The following ROBO1 variants were observed in gnomAD, a reference collection of about 807,000 sequenced individuals.
The protein encoded by ROBO1 is roundabout homolog 1.
In ROBO1, 149 loss-of-function variants were observed where a neutral mutation model predicts 195.9. The ratio of observed to expected loss-of-function variants is 0.76; its 90% CI spans 0.67 to 0.87. ROBO1 has a LOEUF of 0.87. ROBO1 is among the 40% of genes least tolerant of loss of function. ROBO1 has a pLI of 0.00. For synonymous variants in ROBO1, 816 were observed against 733.2 expected (o/e 1.11, Z -1.82); for missense variants, 1,933 against 2,068.3 (o/e 0.93, Z 1.27).
At chr3:79,746,675 T>C (rs1299144086) in intron 1 of ROBO1, among the ~76,000 whole-genome samples, 3 of 151,222 alleles carry the variant, frequency 2.0e-5, no homozygotes, top group South Asian at 4.1e-4. Flanking sequence ...ACTTTTGATA[T>C]TCTGAGATTT....
At chr3:78,896,111 C>T (rs180905279) in intron 4 of ROBO1, among the ~76,000 whole-genome samples, 1 of 152,280 alleles carries the variant, frequency 6.6e-6, no homozygotes, top group East Asian at 1.9e-4. Flanking sequence ...ATTCATAATA[C>T]TCAAACAATT....
At chr3:79,592,944 C>G (rs914754494) in intron 1 of ROBO1, among the ~76,000 whole-genome samples, 1 of 152,036 alleles carries the variant, frequency 6.6e-6, no homozygotes, top group African/African-American at 2.4e-5. Flanking sequence ...TTTGTTATCT[C>G]CATAGTTCTG....
chr3:78,608,135 G>A (rs1703574919), intron 28 of ROBO1, among the ~76,000 whole-genome samples: 1 of 151,688 alleles, frequency 6.6e-6, no homozygotes, highest in East Asian at 1.9e-4. Context: ...CTTTTTTGGA[G>A]ACAAAGTCTT....
intron 3 of ROBO1, among the ~76,000 whole-genome samples, chr3:79,057,808 G>A (rs1164199569): frequency 6.6e-6 from 1 of 150,874 alleles, no homozygotes; most frequent in Admixed American, 6.6e-5. Flanking sequence ...CACCTGGCTG[G>A]ATGCTCCTGC....
chr3:79,476,565 T>C (rs1241161282), intron 2 of ROBO1, among the ~76,000 whole-genome samples: 11 of 152,110 alleles, frequency 7.2e-5, no homozygotes, highest in African/African-American at 2.7e-4. Flanking sequence ...ATATATACCA[T>C]GGAATACTAC....
Position 79,480,429 on chromosome 3 carries a change from T to C in ROBO1, c.88+109395A>G, listed in dbSNP as rs185171077. On this transcript the variant is annotated intron_variant, in intron 2 of 30. Coordinates refer to ENST00000464233, the MANE Select transcript of ROBO1 (RefSeq NM_002941.4). The stretch of plus-strand genomic sequence containing the variant: ...CAATATGGGTCTAAAGAGCTTTTCC[T>C]TTCTAGATGGGCACACTTCATGTGC... Among the ~76,000 whole-genome samples, 16 of 152,292 alleles carry C rather than the reference T, an allele frequency of 1.1e-4. 1 individual carries two copies. The East Asian group carries it at 1.7e-3, about 17-fold the overall frequency.
chr3:78,674,497 A>G (rs910628391), intron 10 of ROBO1, among the ~76,000 whole-genome samples: 1 of 152,240 alleles, frequency 6.6e-6, no homozygotes, highest in Non-Finnish European at 1.5e-5. Context: ...CACAATATCA[A>G]TAAGCTCCAA....
At chr3:79,714,453 G>C (rs562591131) in intron 1 of ROBO1, among the ~76,000 whole-genome samples, 1 of 152,192 alleles carries the variant, frequency 6.6e-6, no homozygotes, top group Non-Finnish European at 1.5e-5. Flanking sequence ...ATTCCTCAAG[G>C]ATCTAGAACT....
At chr3:78,961,815 T>G (rs2041361827) in intron 3 of ROBO1, among the ~76,000 whole-genome samples, 1 of 152,316 alleles carries the variant, frequency 6.6e-6, no homozygotes, top group South Asian at 2.1e-4. Context: ...TCCTCAAAGT[T>G]AATTTAAATT....
chr3:78,729,306 A>T (rs977997427), intron 5 of ROBO1, among the ~76,000 whole-genome samples: 4 of 152,040 alleles, frequency 2.6e-5, no homozygotes, highest in Non-Finnish European at 5.9e-5. Flanking sequence ...GGAAAGGATG[A>T]TTTTCTTTGT....
chr3:79,730,044 G>A (rs964786263), intron 1 of ROBO1, among the ~76,000 whole-genome samples: 5 of 152,130 alleles, frequency 3.3e-5, no homozygotes, highest in Non-Finnish European at 5.9e-5. Flanking sequence ...GCATTCACCT[G>A]TGTATTATCC....
chr3:79,377,484 T>C (rs2036425609), intron 2 of ROBO1, among the ~76,000 whole-genome samples: 1 of 152,234 alleles, frequency 6.6e-6, no homozygotes, highest in Admixed American at 6.5e-5. Flanking sequence ...AATTGAGCGA[T>C]GAACAGAAAA....
intron 2 of ROBO1, among the ~76,000 whole-genome samples, chr3:79,455,026 A>G (rs2039571359): frequency 6.6e-6 from 1 of 152,084 alleles, no homozygotes; most frequent in Non-Finnish European, 1.5e-5. Flanking sequence ...TTCTCAAGAG[A>G]GATTACAGTT....
At chr3:79,149,868 G>A (rs1351634335) in intron 2 of ROBO1, among the ~76,000 whole-genome samples, 1 of 151,784 alleles carries the variant, frequency 6.6e-6, no homozygotes, top group Non-Finnish European at 1.5e-5. Flanking sequence ...TACTCCTGAT[G>A]GCAGGCCTTG....
At chr3:78,830,462 A>G (rs951600195) in intron 4 of ROBO1, among the ~76,000 whole-genome samples, 1 of 152,188 alleles carries the variant, frequency 6.6e-6, no homozygotes, top group Non-Finnish European at 1.5e-5. Context: ...TAATTGACTC[A>G]GAGTTCAGCA....
chr3:79,622,924 G>A (rs1029809424), intron 1 of ROBO1, among the ~76,000 whole-genome samples: 8 of 152,180 alleles, frequency 5.3e-5, no homozygotes, highest in African/African-American at 1.9e-4. Flanking sequence ...CTGGAATCAG[G>A]TTGGTGCTCC....
chr3:79,586,071 A>G (rs959186712), intron 2 of ROBO1, among the ~76,000 whole-genome samples: 1 of 151,964 alleles, frequency 6.6e-6, no homozygotes, highest in Non-Finnish European at 1.5e-5. Flanking sequence ...ATTCTGTCAC[A>G]TTTAGATTTC....
chr3:79,562,062 C>T (rs1942939837), intron 2 of ROBO1, among the ~76,000 whole-genome samples: 1 of 152,038 alleles, frequency 6.6e-6, no homozygotes, highest in African/African-American at 2.4e-5. Context: ...ATACATGTGG[C>T]CTTTGTGGAC....
intron 2 of ROBO1, among the ~76,000 whole-genome samples, chr3:79,550,024 C>G (rs1942418744): frequency 6.6e-6 from 1 of 151,672 alleles, no homozygotes; most frequent in Non-Finnish European, 1.5e-5. Flanking sequence ...ACTCAGGAGG[C>G]TAAGGCAGGA....
Sources: gnomAD v4.1 joint callset for allele counts (sites outside exome capture counted in the v4.1 genomes callset) on GRCh38, gnomAD v4.1.1 for gene constraint, MANE v1.5 for transcripts, NCBI Gene and HGNC (gene_info 2026-07-23, HGNC 2026-07-21) for gene names.